The following PRIM2 variants were observed in gnomAD, a reference collection of about 807,000 sequenced individuals.
The protein encoded by PRIM2 is DNA primase subunit 2.
In PRIM2, 39 loss-of-function variants were observed where a neutral mutation model predicts 67.3. The ratio of observed to expected loss-of-function variants is 0.58; its 90% CI spans 0.45 to 0.76. PRIM2 has a LOEUF of 0.76. Ranked by LOEUF, PRIM2 falls within the 30% of genes least tolerant of loss-of-function variation. The pLI, the probability that PRIM2 is intolerant of heterozygous loss-of-function variation, is 0.00. For missense variants in PRIM2, 398 were observed against 598.7 expected (o/e 0.66, Z 3.50); for synonymous variants, 143 against 198.7 (o/e 0.72, Z 2.36).
chr6:57,300,348 A>G, the PRIM2 span, among the ~76,000 whole-genome samples: 1 of 152,178 alleles, frequency 6.6e-6, no homozygotes, highest in African/African-American at 2.4e-5. Context: ...ATGAGAGCAG[A>G]TCTAGAATAG....
At chr6:57,251,391 C>T in the PRIM2 span, among the ~76,000 whole-genome samples, 4 of 152,140 alleles carry the variant, frequency 2.6e-5, no homozygotes, top group South Asian at 6.2e-4. Flanking sequence ...TTGCTGTGTC[C>T]GTCTAATGCA....
the PRIM2 span, among the ~76,000 whole-genome samples, chr6:57,243,147 C>T: frequency 6.6e-6 from 1 of 152,186 alleles, no homozygotes; most frequent in African/African-American, 2.4e-5. Flanking sequence ...ATTGCATAGC[C>T]TCTTAGAATG....
intron 4 of PRIM2, among the ~76,000 whole-genome samples, chr6:57,325,632 T>C (rs1767824981): frequency 6.6e-6 from 1 of 152,218 alleles, no homozygotes; most frequent in Admixed American, 6.5e-5. Context: ...TGCAGTTACA[T>C]TAAATGCATG....
At chr6:57,255,220 C>T in the PRIM2 span, among the ~76,000 whole-genome samples, 31 of 152,036 alleles carry the variant, frequency 2.0e-4, no homozygotes, top group Non-Finnish European at 3.2e-4. Flanking sequence ...TCCATTGGGC[C>T]GGGTGTGGTG....
intron 5 of PRIM2, among the ~76,000 whole-genome samples, chr6:57,367,611 T>C (rs1468533006): frequency 7.2e-5 from 11 of 152,224 alleles, no homozygotes. Context: ...TACAGGGCAA[T>C]TGTTCTGTTC....
chr6:57,247,708 C>T, the PRIM2 span, among the ~76,000 whole-genome samples: 1 of 152,136 alleles, frequency 6.6e-6, no homozygotes. Flanking sequence ...TAAAAATTTT[C>T]AAGTAATAAT....
chr6:57,329,464 G>A (rs1032104868), intron 5 of PRIM2, among the ~76,000 whole-genome samples: 1 of 152,036 alleles, frequency 6.6e-6, no homozygotes, highest in Admixed American at 6.6e-5. Context: ...TGGTTTGATT[G>A]TGTCCCCACC....
At chr6:57,636,467 C>T (rs1215715388) in intron 13 of PRIM2, among the ~76,000 whole-genome samples, 1 of 152,006 alleles carries the variant, frequency 6.6e-6, no homozygotes, top group Admixed American at 6.6e-5. Context: ...AGGAAACAGC[C>T]ATATACACTT....
chr6:57,614,760 G>A, intron 12 of PRIM2, among the ~76,000 whole-genome samples: 1 of 152,248 alleles, frequency 6.6e-6, no homozygotes, highest in East Asian at 1.9e-4. Context: ...TGAGGCAGGA[G>A]AATGGTGTGA....
intron 5 of PRIM2, among the ~76,000 whole-genome samples, chr6:57,376,680 T>C (rs1413633656): frequency 1.3e-5 from 2 of 152,194 alleles, no homozygotes; most frequent in Non-Finnish European, 2.9e-5. Context: ...GTTTTCTGGT[T>C]GATGTTTAGG....
At chr6:57,547,578 A>G (rs1775314028) in intron 10 of PRIM2, among the ~76,000 whole-genome samples, 1 of 152,260 alleles carries the variant, frequency 6.6e-6, no homozygotes, top group Non-Finnish European at 1.5e-5. Context: ...TAAGTATTAC[A>G]TTGAACTGGA....
the PRIM2 span, among the ~76,000 whole-genome samples, chr6:57,227,926 G>A: frequency 2.0e-5 from 3 of 152,162 alleles, no homozygotes; most frequent in African/African-American, 7.2e-5. Context: ...AATACTTGAT[G>A]CTCATGACAG....
At chr6:57,466,857 C>A (rs1260180927) in intron 7 of PRIM2, among the ~76,000 whole-genome samples, 1 of 152,026 alleles carries the variant, frequency 6.6e-6, no homozygotes, top group Non-Finnish European at 1.5e-5. Flanking sequence ...CAGTGGCTCA[C>A]GCCTGTAATC....
At chr6:57,274,028 T>A in the PRIM2 span, among the ~76,000 whole-genome samples, 2 of 152,188 alleles carry the variant, frequency 1.3e-5, no homozygotes, top group Non-Finnish European at 2.9e-5. Context: ...AAGGTGTCAG[T>A]CCGCCCCTAC....
At chr6:57,447,909 T>A (rs1227327226) in intron 7 of PRIM2, among the ~76,000 whole-genome samples, 1 of 152,220 alleles carries the variant, frequency 6.6e-6, no homozygotes, top group Non-Finnish European at 1.5e-5. Context: ...ATGCATAACC[T>A]TTTGTTTTTG....
the PRIM2 span, among the ~76,000 whole-genome samples, chr6:57,284,249 A>G: frequency 6.6e-6 from 1 of 152,166 alleles, no homozygotes; most frequent in East Asian, 1.9e-4. Flanking sequence ...TTGTACTTAA[A>G]TGTTTGCATG....
In PRIM2 at chr6:57,390,201, C is replaced by T. The variant is rs867661295; in HGVS notation, c.693+8033C>T. On this transcript the variant is annotated intron_variant, in intron 7 of 13. Coordinates refer to ENST00000615550, the MANE Select transcript of PRIM2 (RefSeq NM_000947.5). ...ATGGCAAAGACTGCAATTACTTTTG[C>T]GCCAACCTAATAACAGAAAAAAAAT... 26 of 154,712 alleles carry T rather than the reference C, an allele frequency of 1.7e-4. 1 individual carries two copies. The Middle Eastern group carries it at 3.1e-3, about 19-fold the overall frequency. The allele number at this position is 154,712 out of a possible 1,614,324, so 9.6% of individuals were successfully genotyped here. A position where few individuals can be genotyped will look rare whatever the true frequency, so the allele number is the denominator to read the frequency against.
At chr6:57,424,878 A>G (rs1477279449) in intron 7 of PRIM2, among the ~76,000 whole-genome samples, 2 of 152,206 alleles carry the variant, frequency 1.3e-5, no homozygotes, top group Admixed American at 1.3e-4. Context: ...TAAATGAACT[A>G]ATAACTGTCA....
the PRIM2 span, among the ~76,000 whole-genome samples, chr6:57,253,610 A>G: frequency 6.6e-6 from 1 of 152,112 alleles, no homozygotes; most frequent in Non-Finnish European, 1.5e-5. Context: ...ACCTGGATTA[A>G]TAGTTACTAA....
Sources: gnomAD v4.1 joint callset for allele counts (sites outside exome capture counted in the v4.1 genomes callset) on GRCh38, gnomAD v4.1.1 for gene constraint, MANE v1.5 for transcripts, NCBI Gene and HGNC (gene_info 2026-07-23, HGNC 2026-07-21) for gene names.